FSD1L: variants seen among roughly 807,000 people sequenced by gnomAD.
FSD1L encodes the protein fibronectin type III and SPRY domain containing 1 like.
Under a neutral mutation model 71.6 loss-of-function variants are expected in FSD1L, and 45 were observed. The ratio of observed to expected loss-of-function variants is 0.63; its 90% CI spans 0.49 to 0.81. The LOEUF (loss-of-function observed/expected upper bound fraction) is 0.81, where lower values mean the gene tolerates loss of function less well. Ranked by LOEUF, FSD1L falls within the 30% of genes least tolerant of loss-of-function variation. The pLI, the probability that FSD1L is intolerant of heterozygous loss-of-function variation, is 0.00. For synonymous variants in FSD1L, 197 were observed against 207.2 expected (o/e 0.95, Z 0.42); for missense variants, 561 against 618.1 (o/e 0.91, Z 0.98).
intron 12 of FSD1L, among the ~76,000 whole-genome samples, chr9:105,538,458 G>T (rs928488388): frequency 1.3e-5 from 2 of 152,162 alleles, no homozygotes; most frequent in Non-Finnish European, 2.9e-5. Context: ...GGAAGAAAAG[G>T]AGGAGATGGT....
intron 12 of FSD1L, 136 bp from the exon 13 acceptor site, chr9:105,539,127 A>T (rs1836447460): frequency 5.5e-6 from 3 of 549,760 alleles, no homozygotes; most frequent in Non-Finnish European, 9.4e-6. Flanking sequence ...TTCAAGTGAG[A>T]ATAATTAATC....
At chr9:105,481,182 TC>T (rs370256312) in intron 6 of FSD1L, among the ~76,000 whole-genome samples, 3 of 141,378 alleles carry the variant, frequency 2.1e-5, no homozygotes, top group African/African-American at 5.3e-5. Context: ...TGTGTGTGGT[TC>T]TTTTTTTTTT....
At chr9:105,519,723 A>G (rs2131409157) in intron 10 of FSD1L, among the ~76,000 whole-genome samples, 1 of 152,288 alleles carries the variant, frequency 6.6e-6, no homozygotes, top group South Asian at 2.1e-4. Context: ...GGAAGCATTC[A>G]CTTTGAAAAC....
At chr9:105,474,266 A>T (rs1284509445) in intron 5 of FSD1L, among the ~76,000 whole-genome samples, 3 of 152,200 alleles carry the variant, frequency 2.0e-5, no homozygotes, top group Non-Finnish European at 4.4e-5. Flanking sequence ...ATCTCAACAT[A>T]GAAAGGGTAT....
chr9:105,482,367 A>C (rs182223325), intron 6 of FSD1L, among the ~76,000 whole-genome samples: 1 of 152,326 alleles, frequency 6.6e-6, no homozygotes, highest in East Asian at 1.9e-4. Flanking sequence ...TTGGTTCTTG[A>C]AAGAGAGGGG....
chr9:105,518,118 A>G (rs1276689112), intron 10 of FSD1L, among the ~76,000 whole-genome samples: 1 of 152,240 alleles, frequency 6.6e-6, no homozygotes, highest in East Asian at 1.9e-4. Flanking sequence ...TAACTATCCT[A>G]AATATATATG....
At chr9:105,479,648 A>T (rs530346461) in intron 6 of FSD1L, among the ~76,000 whole-genome samples, 23 of 152,358 alleles carry the variant, frequency 1.5e-4, no homozygotes, top group African/African-American at 5.0e-4. Context: ...GTTCTTAATT[A>T]GTTGTACTAA....
chr9:105,484,396 A>G lies in FSD1L; in HGVS notation c.480A>G (p.Ser160=). 6.6e-7 allele frequency: 1 copy of G among 1,522,048 alleles called. No individual in the cohort carries two copies. The highest frequency in any genetic ancestry group is 1.3e-5 in the South Asian group (1 of 77,130). 94.3% of individuals were successfully genotyped at this position (1,522,048 alleles called of 1,614,324 possible). A position where few individuals can be genotyped will look rare whatever the true frequency, so the allele number is the denominator to read the frequency against. The stretch of plus-strand genomic sequence containing the variant: ...TTTACCGTAGAGTCACAATGGCTTC[A>G]GCCTTTCGCCTTTCTTTGAAACCAA... ...RQIKDRVTMA[S]AFRLSLKPKV... Residue 160 remains serine, a synonymous_variant, in exon 7 of 14, where the codon TCA becomes TCG. Transcript: ENST00000481272.
At chr9:105,469,287 A>T (rs533959306) in intron 4 of FSD1L, among the ~76,000 whole-genome samples, 1 of 152,150 alleles carries the variant, frequency 6.6e-6, no homozygotes, top group Non-Finnish European at 1.5e-5. Context: ...GTATACTTCA[A>T]AGTAGGATTG....
intron 10 of FSD1L, among the ~76,000 whole-genome samples, chr9:105,527,799 A>G (rs779895210): frequency 2.8e-4 from 43 of 152,312 alleles, no homozygotes; most frequent in Non-Finnish European, 4.7e-4. Context: ...GACCAGGGCA[A>G]TCAGGCAAGA....
intron 10 of FSD1L, among the ~76,000 whole-genome samples, chr9:105,513,398 T>C (rs935731229): frequency 6.6e-6 from 1 of 152,076 alleles, no homozygotes; most frequent in African/African-American, 2.4e-5. Flanking sequence ...AACTAACTTA[T>C]TTAAATAAAG....
At chr9:105,489,733 C>T (rs915636705) in intron 7 of FSD1L, among the ~76,000 whole-genome samples, 1 of 152,108 alleles carries the variant, frequency 6.6e-6, no homozygotes, top group African/African-American at 2.4e-5. Flanking sequence ...TCAATTCCCA[C>T]CTATGAGTGA....
rs541593783 is a variant in FSD1L, at chr9:105,458,160, G to A, written c.16-3360G>A. Among the ~76,000 whole-genome samples, 21 of 152,300 alleles carry A rather than the reference G, an allele frequency of 1.4e-4. No homozygotes were observed. In the South Asian group the frequency reaches 4.2e-3, roughly 30 times the overall value. ...CCGTTGTCACTTGCTGTCATGTGGG[G>A]CAGCCGCCTGATGCTGGTGGAAGTT... On this transcript the variant is annotated intron_variant, in intron 1 of 13. Coordinates refer to ENST00000481272, the MANE Select transcript of FSD1L (RefSeq NM_001145313.3).
intron 7 of FSD1L, among the ~76,000 whole-genome samples, chr9:105,492,818 G>T (rs11562356): frequency 0.12 from 18,780 of 152,156 alleles, 1,557 homozygotes; most frequent in East Asian, 0.46. Context: ...TTTTGAGTGA[G>T]TTTCTTAATC....
At chr9:105,507,631 C>T (rs981537462) in intron 8 of FSD1L, among the ~76,000 whole-genome samples, 1 of 152,168 alleles carries the variant, frequency 6.6e-6, no homozygotes, top group African/African-American at 2.4e-5. Flanking sequence ...GTAATCTCTG[C>T]TTTACTTCCT....
At chr9:105,530,851 T>C (rs1835846755) in intron 10 of FSD1L, 2 of 402,320 alleles carry the variant, frequency 5.0e-6, no homozygotes, top group South Asian at 3.6e-5. Context: ...TGTTCCTTAA[T>C]TGATAGTATC....
intron 9 of FSD1L, among the ~76,000 whole-genome samples, chr9:105,511,967 G>A (rs1370833053): frequency 6.6e-6 from 1 of 152,052 alleles, no homozygotes; most frequent in Non-Finnish European, 1.5e-5. Flanking sequence ...GTTAGTAACT[G>A]TGTAATAGCT....
At chr9:105,447,912 A>G (rs550829524), upstream of FSD1L, 19 of 498,454 alleles carry the variant, frequency 3.8e-5, no homozygotes, top group South Asian at 3.9e-4. Flanking sequence ...TGCAGCCTGC[A>G]GAGGCACTAG....
intron 1 of FSD1L, among the ~76,000 whole-genome samples, chr9:105,451,257 C>T (rs1829985689): frequency 6.6e-6 from 1 of 152,234 alleles, no homozygotes; most frequent in Admixed American, 6.5e-5. Flanking sequence ...CCGCGCCCGG[C>T]CCGACATTTT....
Sources: allele counts gnomAD v4.1 joint callset (sites outside exome capture counted in the v4.1 genomes callset), GRCh38; gene constraint gnomAD v4.1.1; transcripts MANE v1.5; gene names NCBI Gene and HGNC (gene_info 2026-07-23, HGNC 2026-07-21).